The following HSD17B14 variants were observed in gnomAD, a reference collection of about 807,000 sequenced individuals.
HSD17B14 encodes the protein hydroxysteroid 17-beta dehydrogenase 14, also known as L-fucose dehydrogenase.
In HSD17B14, 32 loss-of-function variants were observed where a neutral mutation model predicts 32.2. The ratio of observed to expected loss-of-function variants is 0.99; its 90% CI spans 0.75 to 1.33. HSD17B14 has a LOEUF of 1.33. HSD17B14 is among the 40% of genes most tolerant of loss of function. HSD17B14 has a pLI of 0.00. For synonymous variants in HSD17B14, 140 were observed against 155.4 expected (o/e 0.90, Z 0.74); for missense variants, 370 against 366.5 (o/e 1.01, Z -0.08).
chr19:48,814,223 G>A (rs1036006077), intron 6 of HSD17B14, among the ~76,000 whole-genome samples: 1 of 145,436 alleles, frequency 6.9e-6, no homozygotes, highest in African/African-American at 2.6e-5. Context: ...GAAAAGAAAA[G>A]AAAAAAAGAA....
At position 48,827,495 on chromosome 19, in the gene HSD17B14, T is replaced by C. The variant is rs150378971; in HGVS notation, c.369+4173A>G. Reference sequence around the variant, plus strand: ...TGGAGAGTGGATGTTTGTGTGCAGCTGTTGCATAAGCAAGGGTGAGGGAAA... The same window carrying C: ...TGGAGAGTGGATGTTTGTGTGCAGCCGTTGCATAAGCAAGGGTGAGGGAAA... On this transcript the variant is annotated intron_variant, in intron 5 of 8. Transcript: ENST00000263278. Among the ~76,000 whole-genome samples, 711 of 152,224 alleles carry C rather than the reference T, an allele frequency of 4.7e-3. 10 individuals are homozygous for C. The highest frequency in any genetic ancestry group is 0.025 in the Admixed American group (380 of 15,280).
At chr19:48,822,949 T>C (rs921340336) in intron 5 of HSD17B14, among the ~76,000 whole-genome samples, 1 of 152,044 alleles carries the variant, frequency 6.6e-6, no homozygotes, top group African/African-American at 2.4e-5. Context: ...GAAATAACGA[T>C]GGTGATAATG....
intron 1 of HSD17B14, 101 bp from the exon 2 acceptor site, chr19:48,835,944 G>T (rs2035503123): frequency 2.0e-6 from 2 of 1,022,884 alleles, no homozygotes; most frequent in South Asian, 2.8e-5. Flanking sequence ...CTCTCCCCTC[G>T]TGACCCCAGT....
At chr19:48,826,997 G>A (rs1268679037) in intron 5 of HSD17B14, among the ~76,000 whole-genome samples, 1 of 151,848 alleles carries the variant, frequency 6.6e-6, no homozygotes, top group Non-Finnish European at 1.5e-5. Flanking sequence ...GCTCTGTCCG[G>A]TCAGTTGCTC....
rs111919905 is a variant in HSD17B14, at chr19:48,824,238, T to C, written c.369+7430A>G. The stretch of plus-strand genomic sequence containing the variant: ...CCATTGCACTCCAGCCTGGGCAACA[T>C]AGCAAGACCTCCTCTCTACTGAAAC... On this transcript the variant is annotated intron_variant, in intron 5 of 8. Transcript: ENST00000263278. Among the ~76,000 whole-genome samples the C allele has an allele frequency of 1.1e-4, 2 of 17,986 alleles. 1 individual carries two copies. The highest frequency in any genetic ancestry group is 2.2e-4 in the Non-Finnish European group (2 of 9,196). 11.8% of individuals were successfully genotyped at this position (17,986 alleles called of 152,430 possible).
At chr19:48,822,852 G>A (rs2035184475) in intron 5 of HSD17B14, among the ~76,000 whole-genome samples, 1 of 151,458 alleles carries the variant, frequency 6.6e-6, no homozygotes, top group Non-Finnish European at 1.5e-5. Context: ...GGTGTTGATG[G>A]TGATGGTGGT....
At chr19:48,813,784 G>C in intron 6 of HSD17B14, 54 bp from the exon 7 acceptor site, 1 of 1,592,020 alleles carries the variant, frequency 6.3e-7, no homozygotes, top group Non-Finnish European at 8.6e-7. Flanking sequence ...TGGGGTCCCT[G>C]CCATCCATTG....
chr19:48,814,898 G>A (rs1383754801), intron 6 of HSD17B14, 139 bp downstream of exon 6: 2 of 608,552 alleles, frequency 3.3e-6, no homozygotes, highest in Non-Finnish European at 6.0e-6. Flanking sequence ...AGTTATGCCT[G>A]GGTGCTGCAT....
intron 5 of HSD17B14, among the ~76,000 whole-genome samples, chr19:48,822,027 GGTGGTGATGGTGATGATT>G (rs1193059694): frequency 6.6e-6 from 1 of 151,916 alleles, no homozygotes; most frequent in African/African-American, 2.4e-5. Flanking sequence ...GGATGGTGAT[GGTGGTGATGGTGATGATT>G]GTGGTGATGA....
chr19:48,836,136 C>T (rs1219350821), intron 1 of HSD17B14, among the ~76,000 whole-genome samples, 188 bp downstream of exon 1: 1 of 152,144 alleles, frequency 6.6e-6, no homozygotes, highest in Non-Finnish European at 1.5e-5. Flanking sequence ...GGGGCCACTG[C>T]CTTCGGAGAC....
chr19:48,832,867 C>T, intron 3 of HSD17B14, 135 bp from the exon 4 acceptor site: 1 of 707,792 alleles, frequency 1.4e-6, no homozygotes, highest in East Asian at 2.7e-5. Context: ...AACTCTCCTA[C>T]CTCAGCCTCC....
In HSD17B14 at chr19:48,836,362, C is replaced by G; in HGVS notation, c.50G>C (p.Gly17Ala). 8 of 1,613,894 alleles carry G rather than the reference C, an allele frequency of 5.0e-6. No homozygotes were observed. The highest frequency in any genetic ancestry group is 6.8e-6 in the Non-Finnish European group (8 of 1,179,966). Residue 17 changes from glycine to alanine, a missense_variant, in exon 1 of 9, where the codon GGC becomes GCC. Coordinates refer to ENST00000263278, the MANE Select transcript of HSD17B14 (RefSeq NM_016246.3). Reference sequence around the variant, plus strand: ...GATCCCAGCTCCGATGCCGCGCCCGCCCCCGGTCACGACCACCACCTTCCC... The same window carrying G: ...GATCCCAGCTCCGATGCCGCGCCCGGCCCCGGTCACGACCACCACCTTCCC... ...YAGKVVVVTGGGRGIGAGIVR... is the reference protein window; with the variant it reads ...YAGKVVVVTGAGRGIGAGIVR...
intron 6 of HSD17B14, among the ~76,000 whole-genome samples, chr19:48,814,624 G>A (rs527723): frequency 0.029 from 4,375 of 151,842 alleles, 207 homozygotes; most frequent in African/African-American, 0.098. Context: ...GGCAGATCAT[G>A]AAGTCAGAAG....
chr19:48,829,664 C>T (rs1207042827), intron 5 of HSD17B14, among the ~76,000 whole-genome samples: 5 of 75,646 alleles, frequency 6.6e-5, no homozygotes, highest in Non-Finnish European at 9.6e-5. Context: ...TTTTGTGAGA[C>T]GGAGTTTCCG....
chr19:48,836,236 C>A, intron 1 of HSD17B14, 88 bp downstream of exon 1: 3 of 1,297,712 alleles, frequency 2.3e-6, no homozygotes, highest in Non-Finnish European at 3.3e-6. Flanking sequence ...GGCTGCAGTA[C>A]TGGAGTCCCT....
At chr19:48,832,758 T>TG in intron 3 of HSD17B14, 26 bp from the exon 4 acceptor site, 1 of 827,248 alleles carries the variant, frequency 1.2e-6, no homozygotes, top group African/African-American at 2.4e-5. Context: ...ATGTCCTTTG[T>TG]TTTTTTTTTT....
chr19:48,826,358 G>A lies in HSD17B14; in HGVS notation c.369+5310C>T, dbSNP rs1285769732. Among the ~76,000 whole-genome samples, 6 of 150,144 alleles carry A rather than the reference G, an allele frequency of 4.0e-5. No homozygotes were observed. The Admixed American group carries it at 4.0e-4, about 10-fold the overall frequency. ...AAAATACAAAAATCAGCTGGGCGTA[G>A]TGGTGGGCACCTGTAGTCTCAGGTC... On this transcript the variant is annotated intron_variant, in intron 5 of 8. Transcript: ENST00000263278.
intron 5 of HSD17B14, among the ~76,000 whole-genome samples, chr19:48,822,091 ATGG>A (rs1043153208): frequency 6.7e-6 from 1 of 148,932 alleles, no homozygotes; most frequent in African/African-American, 2.5e-5. Context: ...GATGGTGATG[ATGG>A]TGGTGATGAT....
intron 5 of HSD17B14, among the ~76,000 whole-genome samples, chr19:48,818,140 A>C (rs577239313): frequency 2.0e-5 from 3 of 151,814 alleles, no homozygotes; most frequent in Non-Finnish European, 4.4e-5. Context: ...GCAAAACCCC[A>C]TCTCTACTAA....
Sources: allele counts gnomAD v4.1 joint callset (sites outside exome capture counted in the v4.1 genomes callset), GRCh38; gene constraint gnomAD v4.1.1; transcripts MANE v1.5; gene names NCBI Gene and HGNC (gene_info 2026-07-23, HGNC 2026-07-21).